Variants in EPHA2 observed in about 807,000 individuals in gnomAD.
The protein encoded by EPHA2 is EPH receptor A2, also known as ephrin type-A receptor 2.
Under a neutral mutation model 104.9 loss-of-function variants are expected in EPHA2, and 54 were observed. That is an observed-to-expected ratio of 0.51 (90% CI 0.41 to 0.65). The LOEUF (loss-of-function observed/expected upper bound fraction) is 0.65. EPHA2 is among the 30% of genes least tolerant of loss of function. EPHA2 has a pLI of 0.00. For synonymous variants in EPHA2, 560 were observed against 559.1 expected, an observed-to-expected ratio of 1.00 and a Z score of -0.02; for missense variants, 1,117 against 1,369.5, an observed-to-expected ratio of 0.82 and a Z score of 2.91.
chr1:16,137,261 A>G (rs1252958009), intron 5 of EPHA2, among the ~76,000 whole-genome samples: 1 of 151,726 alleles, frequency 6.6e-6, no homozygotes, highest in Non-Finnish European at 1.5e-5. Flanking sequence ...TTGGGCCACA[A>G]ATAAAATACA....
chr1:16,149,004 A>G lies in EPHA2; in HGVS notation c.197T>C (p.Met66Thr), dbSNP rs373938231. 1.2e-5 allele frequency: 20 copies of G among 1,613,986 alleles called. No individual in the cohort carries two copies. Among genetic ancestry groups the G allele is most frequent in the Non-Finnish European group, 1.5e-5 (18 of 1,180,042 alleles). ...QNIMNDMPIY[M>T]YSVCNVMSGD... ...AGACATCACGTTGCACACGGAGTAC[A>G]TGTAGATCGGCATGTCATTCATGAT... is the stretch of plus-strand genomic sequence containing the variant. Residue 66 changes from methionine (M) to threonine (T), a missense_variant, in exon 3 of 17, where the codon ATG becomes ACG. By Grantham distance (81) the Met-to-Thr change is moderately conservative. Around this residue, in one of 3 missense-constraint regions of EPHA2, gnomAD observed 664 missense variants for 784.8 expected, o/e 0.85. Coordinates refer to ENST00000358432, the MANE Select transcript of EPHA2 (RefSeq NM_004431.5).
At chr1:16,143,069 G>T (rs1282253595) in intron 3 of EPHA2, among the ~76,000 whole-genome samples, 4 of 143,268 alleles carry the variant, frequency 2.8e-5, no homozygotes, top group Non-Finnish European at 1.5e-5. Flanking sequence ...GGGTGGAGGG[G>T]GGTATGAGTG....
At chr1:16,132,030 C>T (rs766121764) in intron 13 of EPHA2, 34 bp downstream of exon 13, 16 of 1,613,480 alleles carry the variant, frequency 9.9e-6, no homozygotes, top group Middle Eastern at 1.6e-4. Context: ...GGGCGAAGGC[C>T]GCTTCTCCCT....
In EPHA2 at chr1:16,148,408, C is replaced by T. The variant is rs773997358; in HGVS notation, c.793G>A (p.Gly265Ser). 1.2e-6 allele frequency: 2 copies of T among 1,613,700 alleles called. No homozygotes were observed. Among genetic ancestry groups the T allele is most frequent in the South Asian group, 1.1e-5 (1 of 91,092 alleles). The change falls in exon 3 of 17, where the codon GGC (glycine) becomes AGC (serine). Residue 265 changes from glycine to serine, a missense_variant. Gly to Ser is a moderately conservative substitution (Grantham distance 56). Coordinates refer to ENST00000358432, the MANE Select transcript of EPHA2 (RefSeq NM_004431.5). This position sits in a 1 kb window ranked among gnomAD's most constrained non-coding sequence, Gnocchi z 4.9. ...VPIGQCLCQA[G>S]YEKVEDACQA... The stretch of plus-strand genomic sequence containing the variant: ...CAGGCATCCTCCACCTTCTCGTAGC[C>T]TGCCTGGCACAGGCACTGCCCAATG...
At chr1:16,154,370 A>ACCTG (rs1361375866) in intron 1 of EPHA2, among the ~76,000 whole-genome samples, 8 of 151,964 alleles carry the variant, frequency 5.3e-5, no homozygotes, top group Non-Finnish European at 1.2e-4. Context: ...CACCCCCAAC[A>ACCTG]CCTGCCACTG....
Position 16,155,845 on chromosome 1 carries a change from C to T in EPHA2, c.85+3G>A, listed in dbSNP as rs2124283036. 3.5e-6 allele frequency: 5 copies of T among 1,441,190 alleles called. No homozygotes were observed. The highest frequency in any genetic ancestry group is 4.5e-6 in the Non-Finnish European group (5 of 1,101,806). 89.3% of individuals were successfully genotyped at this position (1,441,190 alleles called of 1,614,324 possible). A position where few individuals can be genotyped will look rare whatever the true frequency, so the allele number is the denominator to read the frequency against. On this transcript the variant is annotated splice_donor_region_variant and intron_variant, in intron 1 of 16. Coordinates refer to ENST00000358432, the MANE Select transcript of EPHA2 (RefSeq NM_004431.5). Reference sequence around the variant, plus strand: ...CAGGGGTCCAGACGCCGCGCGCACTCACCTTCCTTGCCCTGCGCCGCCGCG... The same window carrying T: ...CAGGGGTCCAGACGCCGCGCGCACTTACCTTCCTTGCCCTGCGCCGCCGCG...
intron 3 of EPHA2, among the ~76,000 whole-genome samples, chr1:16,145,186 G>A (rs2024905976): frequency 6.6e-6 from 1 of 152,204 alleles, no homozygotes; most frequent in Non-Finnish European, 1.5e-5. Flanking sequence ...CAGCTGCTGA[G>A]GCCAGCACAG....
In EPHA2 at chr1:16,133,621, G is replaced by T; in HGVS notation, c.1739-15C>A. Reference sequence around the variant, plus strand: ...CTTCAGTTGTTCTGGAAGGAGAAGGGGTGGGGTCACAGGCAGCTCAGGAGG... The same window carrying T: ...CTTCAGTTGTTCTGGAAGGAGAAGGTGTGGGGTCACAGGCAGCTCAGGAGG... On this transcript the variant is annotated splice_polypyrimidine_tract_variant and intron_variant, in intron 9 of 16. Coordinates refer to ENST00000358432, the MANE Select transcript of EPHA2 (RefSeq NM_004431.5). 6.2e-7 allele frequency: 1 copy of T among 1,613,686 alleles called. No homozygotes were observed. The highest frequency in any genetic ancestry group is 1.7e-4 in the Middle Eastern group (1 of 6,036).
chr1:16,137,671 C>T (rs561623455), intron 5 of EPHA2, among the ~76,000 whole-genome samples, 182 bp downstream of exon 5: 32 of 152,380 alleles, frequency 2.1e-4, no homozygotes, highest in African/African-American at 7.5e-4. Context: ...TGTTGGGCCG[C>T]ATTCAATGTC....
chr1:16,131,758 T>C lies in EPHA2; in HGVS notation c.2438A>G (p.Tyr813Cys), dbSNP rs371130440. The change falls in exon 14 of 17, where the codon TAT (tyrosine) becomes TGT (cysteine). Residue 813 changes from tyrosine to cysteine, a missense_variant. Coordinates refer to ENST00000358432, the MANE Select transcript of EPHA2 (RefSeq NM_004431.5). This position sits in a 1 kb window ranked among gnomAD's most constrained non-coding sequence, Gnocchi z 5.2. ...FGIVMWEVMTYGERPYWELSN... is the reference protein window; with the variant it reads ...FGIVMWEVMTCGERPYWELSN... Reference sequence around the variant, plus strand: ...CAACTCCCAGTAGGGCCGCTCGCCATAGGTCATCACCTCCCACATGACAAT... The same window carrying C: ...CAACTCCCAGTAGGGCCGCTCGCCACAGGTCATCACCTCCCACATGACAAT... 3.1e-6 allele frequency: 5 copies of C among 1,614,076 alleles called. No homozygotes were observed. The highest frequency in any genetic ancestry group is 1.1e-5 in the South Asian group (1 of 91,074).
At chr1:16,153,070 T>G in intron 1 of EPHA2, 1 of 962,110 alleles carries the variant, frequency 1.0e-6, no homozygotes, top group Non-Finnish European at 1.2e-6. Flanking sequence ...CTGGAGAGGC[T>G]TAGGCTAAGC....
In EPHA2 at chr1:16,147,580, A is replaced by G. The variant is rs571294160; in HGVS notation, c.823+798T>C. Among the ~76,000 whole-genome samples, 5 of 152,146 alleles carry G rather than the reference A, an allele frequency of 3.3e-5. No individual in the cohort carries two copies. In the East Asian group the frequency reaches 9.6e-4, roughly 29 times the overall value. On this transcript the variant is annotated intron_variant, in intron 3 of 16. Transcript: ENST00000358432. ...CAGTGCCGCTGTACCAGAGCTACTC[A>G]GTATACATTCGTGGGATGAATCAAA...
At position 16,132,208 on chromosome 1, in the gene EPHA2, C is replaced by A; in HGVS notation, c.2181G>T (p.Met727Ile). Residue 727 changes from methionine (M) to isoleucine (I), a missense_variant, in exon 13 of 17, where the codon ATG becomes ATT. Physicochemically the swap from Met to Ile is conservative, Grantham distance 10. Around this residue, in one of 3 missense-constraint regions of EPHA2, gnomAD observed 340 missense variants for 480.5 expected, o/e 0.71. Coordinates refer to ENST00000358432, the MANE Select transcript of EPHA2 (RefSeq NM_004431.5). The stretch of plus-strand genomic sequence containing the variant: ...CATAGTTCATGTTGGCCAGGTACTT[C>A]ATGCCAGCTGCGATGCCCCGCAGCA... ...VGMLRGIAAG[M>I]KYLANMNYVH... is the part of the protein sequence containing the mutation. 2 of 1,614,218 alleles carry A rather than the reference C, an allele frequency of 1.2e-6. No homozygotes were observed. Among genetic ancestry groups the A allele is most frequent in the Non-Finnish European group, 1.7e-6 (2 of 1,180,034 alleles).
rs562850724 is a variant in EPHA2, at chr1:16,128,198, C to T, written c.2825+1236G>A. On this transcript the variant is annotated intron_variant, in intron 16 of 16. Transcript: ENST00000358432. The surrounding 1 kb of genome is among the most constrained non-coding windows in gnomAD (Gnocchi z 4.7). The stretch of plus-strand genomic sequence containing the variant: ...CCCATCAAACTTGATCAAGGTCACC[C>T]GCTAGGAAGTGGCAGATGCGGGACT... Among the ~76,000 whole-genome samples, 4 of 152,308 alleles carry T rather than the reference C, an allele frequency of 2.6e-5. No individual in the cohort carries two copies. Among genetic ancestry groups the T allele is most frequent in the East Asian group, 1.9e-4 (1 of 5,190 alleles).
intron 1 of EPHA2, among the ~76,000 whole-genome samples, 169 bp from the exon 2 acceptor site, chr1:16,151,132 A>G (rs1385064906): frequency 6.6e-6 from 1 of 152,168 alleles, no homozygotes; most frequent in Non-Finnish European, 1.5e-5. Context: ...CTCATGAGGG[A>G]AACAGGCCCA....
At chr1:16,142,440 C>T (rs558889065) in intron 3 of EPHA2, among the ~76,000 whole-genome samples, 1 of 152,272 alleles carries the variant, frequency 6.6e-6, no homozygotes, top group East Asian at 1.9e-4. Context: ...TATCTGTGTC[C>T]CATGGCCCAG....
At chr1:16,152,790 G>T (rs1181590380) in intron 1 of EPHA2, among the ~76,000 whole-genome samples, 1 of 152,184 alleles carries the variant, frequency 6.6e-6, no homozygotes, top group African/African-American at 2.4e-5. Flanking sequence ...TCCAGCCTAG[G>T]CCTGGCTCTA....
chr1:16,136,704 A>G lies in EPHA2; in HGVS notation c.1313-934T>C, dbSNP rs572674314. Among the ~76,000 whole-genome samples, 790 of 101,122 alleles carry G rather than the reference A, an allele frequency of 7.8e-3. 34 individuals are homozygous for G. The highest frequency in any genetic ancestry group is 0.064 in the African/African-American group (678 of 10,544). 66.3% of individuals were successfully genotyped at this position (101,122 alleles called of 152,430 possible). A position where few individuals can be genotyped will look rare whatever the true frequency, so the allele number is the denominator to read the frequency against. Reference sequence around the variant, plus strand: ...AGAAAGAAGAAGAGGAAGAAGAAGAAGAAGAAGAAAAGAAGAAGAAGAAGA... The same window carrying G: ...AGAAAGAAGAAGAGGAAGAAGAAGAGGAAGAAGAAAAGAAGAAGAAGAAGA... On this transcript the variant is annotated intron_variant, in intron 5 of 16. Coordinates refer to ENST00000358432, the MANE Select transcript of EPHA2 (RefSeq NM_004431.5).
intron 16 of EPHA2, among the ~76,000 whole-genome samples, chr1:16,129,084 C>T (rs1222662515): frequency 6.6e-6 from 1 of 151,582 alleles, no homozygotes; most frequent in African/African-American, 2.4e-5. Flanking sequence ...CTCACCTGCA[C>T]CTGTTTCTCA....
Sources: gnomAD v4.1 joint callset for allele counts (sites outside exome capture counted in the v4.1 genomes callset) on GRCh38, gnomAD v4.1.1 for gene constraint, gnomAD v4.1.1 regional missense constraint, Gnocchi (gnomAD v3.1) non-coding constraint, MANE v1.5 for transcripts, NCBI Gene and HGNC (gene_info 2026-07-23, HGNC 2026-07-21) for gene names.